Variants in POLR3F observed in about 807,000 individuals in gnomAD.
POLR3F encodes DNA-directed RNA polymerase III subunit RPC6.
POLR3F carries 31 observed loss-of-function variants against 43.6 expected under a neutral mutation model. The ratio of observed to expected loss-of-function variants is 0.71; its 90% CI spans 0.53 to 0.96. The LOEUF (loss-of-function observed/expected upper bound fraction) is 0.96, where lower values mean the gene tolerates loss of function less well. POLR3F is among the 40% of genes least tolerant of loss of function. The pLI is 0.00. For missense variants in POLR3F, 316 were observed against 391.7 expected, an observed-to-expected ratio of 0.81 and a Z score of 1.63; for synonymous variants, 114 against 132.5, an observed-to-expected ratio of 0.86 and a Z score of 0.96.
At position 18,484,470 on chromosome 20, in the gene POLR3F, CT is replaced by C. The variant is rs1184380278; in HGVS notation, c.*914del. On this transcript the variant is annotated 3_prime_UTR_variant, in exon 9 of 9. Coordinates refer to ENST00000377603, the MANE Select transcript of POLR3F (RefSeq NM_006466.4). ...AGCGCTCATGAATGGGATTAGTGCC[CT>C]TATATAAAGAGACCCAGAGAGCTCC... is the stretch of plus-strand genomic sequence containing the variant. 9.0e-6 allele frequency: 2 copies of C among 222,446 alleles called. No individual in the cohort carries two copies. Among genetic ancestry groups the C allele is most frequent in the Non-Finnish European group, 1.7e-5 (2 of 114,552 alleles). 13.8% of individuals were successfully genotyped at this position (222,446 alleles called of 1,614,324 possible).
intron 4 of POLR3F, 81 bp from the exon 5 acceptor site, chr20:18,474,994 G>A: frequency 4.5e-6 from 3 of 665,930 alleles, no homozygotes; most frequent in Non-Finnish European, 8.1e-6. Context: ...GCTAGCTTTG[G>A]AATGAGACAC....
chr20:18,481,328 GTCTCCCGGGTTCAAGCCAT>G (rs2059808293), intron 7 of POLR3F, among the ~76,000 whole-genome samples: 3 of 152,124 alleles, frequency 2.0e-5, no homozygotes, highest in African/African-American at 7.2e-5. Context: ...TGCAACTTCC[GTCTCCCGGGTTCAAGCCAT>G]TCTCCTGCCT....
chr20:18,482,295 A>C (rs1335438128), intron 8 of POLR3F, among the ~76,000 whole-genome samples: 1 of 152,022 alleles, frequency 6.6e-6, no homozygotes, highest in Non-Finnish European at 1.5e-5. Flanking sequence ...CCTGCTTTAC[A>C]TTCTTTCTTG....
At chr20:18,475,460 A>C (rs1452212902) in intron 5 of POLR3F, among the ~76,000 whole-genome samples, 2 of 152,234 alleles carry the variant, frequency 1.3e-5, no homozygotes, top group Non-Finnish European at 2.9e-5. Flanking sequence ...TGTGTAAGAT[A>C]ATTTACTTTA....
At chr20:18,469,125 G>A (rs942134288) in intron 2 of POLR3F, 64 bp downstream of exon 2, 51 of 802,198 alleles carry the variant, frequency 6.4e-5, no homozygotes, top group Non-Finnish European at 9.9e-5. Flanking sequence ...TTTTTATTAT[G>A]TAGTTGTGAT....
chr20:18,467,829 C>CG (rs2059705900), intron 1 of POLR3F, among the ~76,000 whole-genome samples: 1 of 152,170 alleles, frequency 6.6e-6, no homozygotes, highest in South Asian at 2.1e-4. Context: ...GTTGTGATGA[C>CG]GTGCTGCCTT....
At chr20:18,473,059 T>G in intron 3 of POLR3F, 150 bp downstream of exon 3, 1 of 425,668 alleles carries the variant, frequency 2.3e-6, no homozygotes, top group East Asian at 3.6e-5. Flanking sequence ...GTAACTGCTC[T>G]TAATAATTTA....
intron 3 of POLR3F, 119 bp from the exon 4 acceptor site, chr20:18,473,272 T>C: frequency 1.9e-6 from 1 of 530,074 alleles, no homozygotes; most frequent in South Asian, 3.0e-5. Context: ...GGTAAGCCTT[T>C]CTTTTGGTAA....
rs866308706 is a variant in POLR3F, at chr20:18,480,250, C to G, written c.573+69C>G. On this transcript the variant is annotated intron_variant, in intron 6 of 8. Coordinates refer to ENST00000377603, the MANE Select transcript of POLR3F (RefSeq NM_006466.4). ...AAAGTTTTTCACAAAGGATTTTAAT[C>G]TATTTATCATATTTTATAGGAATTA... 3.5e-6 allele frequency: 5 copies of G among 1,417,700 alleles called. No individual in the cohort carries two copies. In the African/African-American group the frequency reaches 7.2e-5, roughly 20 times the overall value. The allele number at this position is 1,417,700 out of a possible 1,614,324, so 87.8% of individuals were successfully genotyped here.
chr20:18,471,378 C>G (rs1040608435), intron 2 of POLR3F, among the ~76,000 whole-genome samples: 1 of 152,176 alleles, frequency 6.6e-6, no homozygotes, highest in African/African-American at 2.4e-5. Context: ...TGGGCCGCAG[C>G]CTGTTCTCCG....
In POLR3F at chr20:18,481,715, G is replaced by A. The variant is rs753879299; in HGVS notation, c.778G>A (p.Val260Ile). Residue 260 changes from valine to isoleucine, a missense_variant, in exon 8 of 9, where the codon GTT (valine) becomes ATT (isoleucine). By Grantham distance (29) the Val-to-Ile change is conservative. Coordinates refer to ENST00000377603, the MANE Select transcript of POLR3F (RefSeq NM_006466.4). The stretch of plus-strand genomic sequence containing the variant: ...GATTATTGCTGCAAAAGAAGGCACA[G>A]TTGGCAGTGTAGATGGACACATGAA... ...MTIIAAKEGTVGSVDGHMKLY... is the reference protein window; with the variant it reads ...MTIIAAKEGTIGSVDGHMKLY... The A allele has an allele frequency of 8.7e-6, 14 of 1,612,914 alleles. No homozygotes were observed. Among genetic ancestry groups the A allele is most frequent in the African/African-American group, 1.3e-5 (1 of 74,920 alleles).
At chr20:18,472,277 AG>A (rs1454100128) in intron 2 of POLR3F, among the ~76,000 whole-genome samples, 2 of 151,914 alleles carry the variant, frequency 1.3e-5, no homozygotes, top group African/African-American at 4.8e-5. Flanking sequence ...CCCAGGCTGG[AG>A]TGCAGTGGTG....
chr20:18,476,036 G>A (rs1439243056), intron 5 of POLR3F, among the ~76,000 whole-genome samples: 1 of 152,148 alleles, frequency 6.6e-6, no homozygotes, highest in Non-Finnish European at 1.5e-5. Context: ...GCCTCATTTT[G>A]TCAGTCCTCC....
chr20:18,474,599 A>G (rs1601254530), intron 4 of POLR3F, among the ~76,000 whole-genome samples: 1 of 150,132 alleles, frequency 6.7e-6, no homozygotes, highest in South Asian at 2.1e-4. Flanking sequence ...GCTCAGTGCA[A>G]CCTCCGCCTC....
chr20:18,480,227 A>T, intron 6 of POLR3F, 46 bp downstream of exon 6: 1 of 1,527,158 alleles, frequency 6.5e-7, no homozygotes, highest in Non-Finnish European at 8.9e-7. Flanking sequence ...TCTTGTAAAA[A>T]GTTTTTCACA....
intron 1 of POLR3F, among the ~76,000 whole-genome samples, chr20:18,468,738 TAAATA>T (rs910891374): frequency 6.6e-6 from 1 of 152,212 alleles, no homozygotes; most frequent in Non-Finnish European, 1.5e-5. Flanking sequence ...GAAATATTCT[TAAATA>T]ACAATAATAC....
At chr20:18,479,182 TGTA>T (rs1024335776) in intron 5 of POLR3F, among the ~76,000 whole-genome samples, 1 of 150,970 alleles carries the variant, frequency 6.6e-6, no homozygotes. Flanking sequence ...CTTGACATCT[TGTA>T]GTGCTAGAAA....
At chr20:18,476,488 C>T (rs917892270) in intron 5 of POLR3F, among the ~76,000 whole-genome samples, 1 of 152,102 alleles carries the variant, frequency 6.6e-6, no homozygotes, top group African/African-American at 2.4e-5. Flanking sequence ...TTCATTCATC[C>T]GTTGGTGAAC....
Position 18,483,727 on chromosome 20 carries a change from A to G in POLR3F, c.*169A>G. ...TTTTATTTATGAAGACTAAATTTAT[A>G]TTGGTAAAATAGCCAGTAGAATATG... is the stretch of plus-strand genomic sequence containing the variant. On this transcript the variant is annotated 3_prime_UTR_variant, in exon 9 of 9. Coordinates refer to ENST00000377603, the MANE Select transcript of POLR3F (RefSeq NM_006466.4). 2.3e-6 allele frequency: 1 copy of G among 430,284 alleles called. No homozygotes were observed. Among genetic ancestry groups the G allele is most frequent in the East Asian group, 3.5e-5 (1 of 28,280 alleles). 26.7% of individuals were successfully genotyped at this position (430,284 alleles called of 1,614,324 possible). A position where few individuals can be genotyped will look rare whatever the true frequency, so the allele number is the denominator to read the frequency against.
Sources: gnomAD v4.1 joint callset for allele counts (sites outside exome capture counted in the v4.1 genomes callset) on GRCh38, gnomAD v4.1.1 for gene constraint, MANE v1.5 for transcripts, NCBI Gene and HGNC (gene_info 2026-07-23, HGNC 2026-07-21) for gene names.